IQGAP2: variants seen among roughly 807,000 people sequenced by gnomAD.
IQGAP2 encodes ras GTPase-activating-like protein IQGAP2.
In IQGAP2, 173 loss-of-function variants were observed where a neutral mutation model predicts 201.3. That is an observed-to-expected ratio of 0.86 (90% CI 0.76 to 0.98). The LOEUF (loss-of-function observed/expected upper bound fraction) is 0.98. Ranked by LOEUF, IQGAP2 falls within the 50% of genes least tolerant of loss-of-function variation. The probability of loss-of-function intolerance (pLI) is 0.00; values close to 1 mark genes in which losing one functional copy is unlikely to be tolerated. For synonymous variants in IQGAP2, 675 were observed against 673.9 expected (o/e 1.00, Z -0.03); for missense variants, 1,687 against 1,864.8 (o/e 0.90, Z 1.76).
chr5:76,422,929 G>A (rs942721141), intron 1 of IQGAP2, among the ~76,000 whole-genome samples: 2 of 152,162 alleles, frequency 1.3e-5, no homozygotes, highest in Non-Finnish European at 2.9e-5. Flanking sequence ...CATTTTATAG[G>A]TGGGAAAACT....
At chr5:76,647,256 T>C (rs1752120111) in intron 17 of IQGAP2, among the ~76,000 whole-genome samples, 1 of 152,188 alleles carries the variant, frequency 6.6e-6, no homozygotes, top group Non-Finnish European at 1.5e-5. Context: ...GTAGTGAACC[T>C]TGGGACCCAA....
At chr5:76,404,353 A>G (rs555598892) in intron 1 of IQGAP2, 85 of 556,268 alleles carry the variant, frequency 1.5e-4, no homozygotes, top group Admixed American at 3.2e-4. Context: ...ATGGAGCCAG[A>G]TTAACACCAA....
intron 1 of IQGAP2, among the ~76,000 whole-genome samples, chr5:76,428,570 A>G (rs924461660): frequency 4.7e-5 from 7 of 150,470 alleles, no homozygotes; most frequent in Admixed American, 6.7e-5. Context: ...AGCTGGGATT[A>G]CAGGTGTGCG....
chr5:76,524,268 G>C (rs1389524043), intron 2 of IQGAP2, among the ~76,000 whole-genome samples: 1 of 152,184 alleles, frequency 6.6e-6, no homozygotes. Flanking sequence ...ACCTGTGCTT[G>C]ATATCCTGTG....
intron 5 of IQGAP2, 66 bp downstream of exon 5, chr5:76,575,835 T>C: frequency 1.1e-6 from 1 of 910,582 alleles, no homozygotes; most frequent in Non-Finnish European, 1.6e-6. Flanking sequence ...AAATTTCAAT[T>C]TTAAAAGAGG....
intron 14 of IQGAP2, chr5:76,628,562 A>G (rs996420609): frequency 1.6e-4 from 51 of 326,642 alleles, no homozygotes; most frequent in African/African-American, 1.1e-3. Flanking sequence ...AACATTCTCC[A>G]TATATAAATT....
chr5:76,547,413 G>T (rs1743163400), intron 2 of IQGAP2: 1 of 976,774 alleles, frequency 1.0e-6, no homozygotes, highest in African/African-American at 1.8e-5. Flanking sequence ...GGGCTTAGAA[G>T]AGGGAAGTCA....
intron 2 of IQGAP2, among the ~76,000 whole-genome samples, chr5:76,551,619 G>A (rs1743534464): frequency 6.6e-6 from 1 of 151,452 alleles, no homozygotes; most frequent in South Asian, 2.1e-4. Context: ...TCGGGAGGCC[G>A]AGGCAGGCAG....
intron 30 of IQGAP2, among the ~76,000 whole-genome samples, chr5:76,684,632 AC>A (rs1044207332): frequency 2.0e-5 from 3 of 152,230 alleles, no homozygotes; most frequent in Non-Finnish European, 4.4e-5. Flanking sequence ...GTACATTAGA[AC>A]AGTTATGTAT....
Position 76,589,687 on chromosome 5 carries a change from G to T in IQGAP2, c.599G>T (p.Gly200Val). The change falls in exon 7 of 36, where the codon GGT (glycine) becomes GTT (valine). Residue 200 changes from glycine (G) to valine (V), a missense_variant. By Grantham distance (109) the Gly-to-Val change is moderately radical (BLOSUM62 -3). Coordinates refer to ENST00000274364, the MANE Select transcript of IQGAP2 (RefSeq NM_006633.5). ...CAGATGCCATCTTTCAGCAAAATAG[G>T]TGGTATTCTGGCCAATGAACTGTCC... ...GIQMPSFSKI[G>V]GILANELSVD... is the part of the protein sequence containing the mutation. The T allele has an allele frequency of 6.2e-7, 1 of 1,608,646 alleles. No individual in the cohort carries two copies. Among genetic ancestry groups the T allele is most frequent in the Non-Finnish European group, 8.5e-7 (1 of 1,177,510 alleles).
intron 5 of IQGAP2, among the ~76,000 whole-genome samples, chr5:76,576,612 C>T (rs975678030): frequency 2.0e-5 from 3 of 152,194 alleles, no homozygotes; most frequent in African/African-American, 7.2e-5. Flanking sequence ...ATGTTGACTT[C>T]TTCCTGGCTC....
intron 1 of IQGAP2, among the ~76,000 whole-genome samples, chr5:76,427,676 G>T (rs1290698348): frequency 6.6e-6 from 1 of 152,166 alleles, no homozygotes; most frequent in Non-Finnish European, 1.5e-5. Context: ...TTCTGTTCCC[G>T]CAGGTCTGGG....
At chr5:76,540,203 G>C (rs965396362) in intron 2 of IQGAP2, among the ~76,000 whole-genome samples, 1 of 152,052 alleles carries the variant, frequency 6.6e-6, no homozygotes, top group Non-Finnish European at 1.5e-5. Flanking sequence ...AGAAATGGAC[G>C]GTCAAAATAA....
chr5:76,637,391 A>G (rs1023215723), intron 16 of IQGAP2, among the ~76,000 whole-genome samples: 10 of 152,230 alleles, frequency 6.6e-5, no homozygotes, highest in South Asian at 2.1e-4. Flanking sequence ...CAAATAGAGC[A>G]GGGGGAAGAA....
At chr5:76,538,887 C>T (rs1208619991) in intron 2 of IQGAP2, among the ~76,000 whole-genome samples, 1 of 152,150 alleles carries the variant, frequency 6.6e-6, no homozygotes, top group Non-Finnish European at 1.5e-5. Context: ...ATTTAACTCG[C>T]CAAGCGGAGT....
At chr5:76,591,606 GA>G (rs1228233493) in intron 8 of IQGAP2, among the ~76,000 whole-genome samples, 2 of 152,198 alleles carry the variant, frequency 1.3e-5, no homozygotes, top group Non-Finnish European at 2.9e-5. Flanking sequence ...CCTACCTTGA[GA>G]TTCTCTGCTT....
At chr5:76,495,665 C>T (rs577969403) in intron 2 of IQGAP2, among the ~76,000 whole-genome samples, 11 of 152,158 alleles carry the variant, frequency 7.2e-5, no homozygotes, top group Non-Finnish European at 1.5e-4. Flanking sequence ...GCAGGAAGCA[C>T]GGTGCTTGCA....
At chr5:76,438,825 C>T (rs1048154308) in intron 1 of IQGAP2, among the ~76,000 whole-genome samples, 1 of 152,110 alleles carries the variant, frequency 6.6e-6, no homozygotes, top group Admixed American at 6.5e-5. Context: ...ATCAATTTTG[C>T]TTATCTTTTC....
intron 11 of IQGAP2, among the ~76,000 whole-genome samples, chr5:76,603,603 C>T (rs141240252): frequency 2.0e-5 from 3 of 152,290 alleles, no homozygotes; most frequent in Admixed American, 6.5e-5. Flanking sequence ...AATGGTCCTT[C>T]CTGTGCTCTG....
Sources: gnomAD v4.1 joint callset for allele counts (sites outside exome capture counted in the v4.1 genomes callset) on GRCh38, gnomAD v4.1.1 for gene constraint, MANE v1.5 for transcripts, NCBI Gene and HGNC (gene_info 2026-07-23, HGNC 2026-07-21) for gene names.